Variants in HERC4 observed in about 807,000 individuals in gnomAD.
The protein encoded by HERC4 is HECT and RLD domain containing E3 ubiquitin protein ligase 4.
A neutral mutation model predicts 124.3 loss-of-function variants in HERC4; 28 were observed. The observed-to-expected ratio is 0.23, with a 90% CI of 0.17 to 0.31. HERC4 has a LOEUF of 0.31. Ranked by LOEUF, HERC4 falls within the 10% of genes least tolerant of loss-of-function variation. The pLI is 1.00. For synonymous variants in HERC4, 407 were observed against 421.5 expected, an observed-to-expected ratio of 0.97 and a Z score of 0.42; for missense variants, 713 against 1,229.3, an observed-to-expected ratio of 0.58 and a Z score of 6.28.
intron 10 of HERC4, 93 bp from the exon 11 acceptor site, chr10:67,992,416 G>T: frequency 2.0e-6 from 3 of 1,478,690 alleles, no homozygotes; most frequent in Non-Finnish European, 2.8e-6. Context: ...TCTTTAAACA[G>T]AATTAAATCT....
In HERC4 at chr10:68,072,980, G is replaced by C. The variant is rs758723483; in HGVS notation, c.129C>G (p.Leu43=). The change falls in exon 3 of 25, where the codon CTC becomes CTG. Residue 43 remains leucine, a synonymous_variant. Transcript: ENST00000373700. ...CATCCAGAACAAACACAGTATGTCTGAGTCCACATCCTACATCTCGGACCC... is the reference window on the plus strand; with the variant it reads ...CATCCAGAACAAACACAGTATGTCTCAGTCCACATCCTACATCTCGGACCC... The part of the protein sequence containing the change: ...NKRVRDVGCG[L]RHTVFVLDDG... 31 of 1,613,878 alleles carry C rather than the reference G, an allele frequency of 1.9e-5. No individual in the cohort carries two copies. The highest frequency in any genetic ancestry group is 2.5e-5 in the Non-Finnish European group (30 of 1,179,922).
intron 14 of HERC4, among the ~76,000 whole-genome samples, chr10:67,989,498 T>C (rs2036439277): frequency 1.3e-5 from 2 of 152,014 alleles, no homozygotes; most frequent in Non-Finnish European, 2.9e-5. Context: ...TCCCATATTC[T>C]ACCCCTTGCT....
intron 19 of HERC4, among the ~76,000 whole-genome samples, chr10:67,951,973 A>C (rs148859274): frequency 6.6e-6 from 1 of 152,276 alleles, no homozygotes; most frequent in African/African-American, 2.4e-5. Context: ...GTCTGTTTCC[A>C]ACAATCTTGT....
intron 8 of HERC4, among the ~76,000 whole-genome samples, chr10:68,019,295 C>G (rs1381763186): frequency 6.6e-6 from 1 of 152,018 alleles, no homozygotes; most frequent in Non-Finnish European, 1.5e-5. Context: ...TGCGCCCGGT[C>G]CAGCCAAAGC....
chr10:68,058,614 G>C (rs2040674419), intron 3 of HERC4, among the ~76,000 whole-genome samples: 2 of 152,018 alleles, frequency 1.3e-5, no homozygotes, highest in Admixed American at 1.3e-4. Flanking sequence ...TTTGAGACGA[G>C]AGTTTCACTC....
intron 24 of HERC4, among the ~76,000 whole-genome samples, chr10:67,924,264 A>G (rs1342570028): frequency 6.6e-6 from 1 of 152,198 alleles, no homozygotes; most frequent in African/African-American, 2.4e-5. Flanking sequence ...TAGCATTTAC[A>G]TTGTATGAGG....
At chr10:67,928,670 C>T (rs2031427703) in intron 23 of HERC4, among the ~76,000 whole-genome samples, 2 of 152,106 alleles carry the variant, frequency 1.3e-5, no homozygotes. Context: ...CACCTGTAAT[C>T]CCAGCACTTT....
At chr10:68,068,292 C>T (rs1190400452) in intron 3 of HERC4, 1 of 152,234 alleles carries the variant, frequency 6.6e-6, no homozygotes, top group Non-Finnish European at 1.5e-5. Flanking sequence ...CGAGACCCCC[C>T]TGGCCAACAT....
intron 21 of HERC4, among the ~76,000 whole-genome samples, chr10:67,938,580 A>G (rs2032590277): frequency 6.6e-6 from 1 of 152,180 alleles, no homozygotes; most frequent in African/African-American, 2.4e-5. Flanking sequence ...TCTCTTATTT[A>G]ATTACCAACT....
chr10:67,986,542 A>G (rs2036271020), intron 15 of HERC4, among the ~76,000 whole-genome samples: 2 of 151,902 alleles, frequency 1.3e-5, no homozygotes, highest in Non-Finnish European at 2.9e-5. Flanking sequence ...TTTTTAGTGG[A>G]GACGGGGTTT....
At chr10:68,021,758 A>G (rs1048621111) in intron 8 of HERC4, among the ~76,000 whole-genome samples, 7 of 152,178 alleles carry the variant, frequency 4.6e-5, no homozygotes, top group African/African-American at 1.4e-4. Context: ...CGGTGAGCCG[A>G]GATCACGCCA....
chr10:68,006,173 G>A (rs996845757), intron 9 of HERC4, among the ~76,000 whole-genome samples: 7 of 152,032 alleles, frequency 4.6e-5, no homozygotes, highest in Middle Eastern at 3.4e-3. Context: ...TCTTTGATCC[G>A]TTTTAGTCTT....
chr10:67,923,373 TAA>T (rs776585698), intron 24 of HERC4, among the ~76,000 whole-genome samples: 7 of 152,222 alleles, frequency 4.6e-5, no homozygotes, highest in Non-Finnish European at 8.8e-5. Flanking sequence ...AAGTGCTTAA[TAA>T]ATGTTTGATA....
chr10:68,062,300 A>G (rs147062714), intron 3 of HERC4, among the ~76,000 whole-genome samples: 93 of 152,242 alleles, frequency 6.1e-4, no homozygotes, highest in African/African-American at 1.9e-3. Context: ...CCTTATTTCT[A>G]TACTAATGAA....
intron 9 of HERC4, among the ~76,000 whole-genome samples, chr10:68,012,011 G>A (rs528045828): frequency 6.6e-6 from 1 of 152,266 alleles, no homozygotes; most frequent in African/African-American, 2.4e-5. Context: ...TTTACATTAT[G>A]GAGATGGCTT....
At chr10:67,956,822 T>G in intron 17 of HERC4, 56 bp downstream of exon 17, 1 of 1,158,882 alleles carries the variant, frequency 8.6e-7, no homozygotes, top group South Asian at 1.5e-5. Context: ...ATATTTACTG[T>G]CCAGAAACAT....
intron 3 of HERC4, 36 bp downstream of exon 3, chr10:68,072,847 T>C: frequency 7.1e-7 from 1 of 1,418,424 alleles, no homozygotes; most frequent in Non-Finnish European, 9.6e-7. Context: ...GATATAATTA[T>C]TAAAAATAGC....
At chr10:67,980,887 C>T (rs989669579) in intron 15 of HERC4, among the ~76,000 whole-genome samples, 6 of 151,872 alleles carry the variant, frequency 4.0e-5, no homozygotes, top group Admixed American at 2.0e-4. Flanking sequence ...AACCTGAAAC[C>T]AAAAGCATAT....
intron 9 of HERC4, chr10:67,992,996 A>T (rs554019645): frequency 4.8e-4 from 87 of 180,132 alleles, no homozygotes; most frequent in Non-Finnish European, 5.6e-4. Context: ...AAGATGATTT[A>T]AAAAAAATAG....
Sources: allele counts gnomAD v4.1 joint callset (sites outside exome capture counted in the v4.1 genomes callset), GRCh38; gene constraint gnomAD v4.1.1; transcripts MANE v1.5; gene names NCBI Gene and HGNC (gene_info 2026-07-23, HGNC 2026-07-21).